KIF21B: variants seen among roughly 807,000 people sequenced by gnomAD.
KIF21B encodes kinesin-like protein KIF21B.
Under a neutral mutation model 192.9 loss-of-function variants are expected in KIF21B, and 85 were observed. That is an observed-to-expected ratio of 0.44 (90% CI 0.37 to 0.53). The LOEUF is 0.53. Ranked by LOEUF, KIF21B falls within the 20% of genes least tolerant of loss-of-function variation. The probability of loss-of-function intolerance (pLI) is 0.00; values close to 1 mark genes in which losing one functional copy is unlikely to be tolerated. For missense variants in KIF21B, 1,716 were observed against 2,194.8 expected (o/e 0.78, Z 4.36); for synonymous variants, 832 against 884.6 (o/e 0.94, Z 1.05).
chr1:200,993,387 G>A (rs763936996), intron 15 of KIF21B, among the ~76,000 whole-genome samples: 19 of 152,138 alleles, frequency 1.2e-4, no homozygotes, highest in Non-Finnish European at 2.8e-4. Context: ...GTGGGGGCTG[G>A]ACCAGAAGCC....
Position 200,982,879 on chromosome 1 carries a change from A to G in KIF21B, c.3842+177T>C, listed in dbSNP as rs377260706. On this transcript the variant is annotated intron_variant, in intron 28 of 34. Coordinates refer to ENST00000461742, the MANE Select transcript of KIF21B (RefSeq NM_001252102.2). The surrounding 1 kb of genome is among the most constrained non-coding windows in gnomAD (Gnocchi z 4.7). ...TCCAAGGCCTTGTGGCCACCCTGAG[A>G]GAGAGGAACCATGGGGGCAGGAACA... Among the ~76,000 whole-genome samples, 71 of 152,004 alleles carry G rather than the reference A, an allele frequency of 4.7e-4. No individual in the cohort carries two copies. Among genetic ancestry groups the G allele is most frequent in the African/African-American group, 1.7e-3 (70 of 41,408 alleles).
intron 1 of KIF21B, among the ~76,000 whole-genome samples, chr1:201,018,062 T>C (rs766923713): frequency 6.6e-6 from 1 of 152,142 alleles, no homozygotes; most frequent in Non-Finnish European, 1.5e-5. Flanking sequence ...GCCCTCTCAG[T>C]GCCCCTCTGG....
chr1:201,012,529 T>C (rs1375385249), intron 1 of KIF21B, among the ~76,000 whole-genome samples: 1 of 152,222 alleles, frequency 6.6e-6, no homozygotes, highest in Admixed American at 6.5e-5. Context: ...CTTGAAGTGG[T>C]TAAGCCACAC....
intron 17 of KIF21B, among the ~76,000 whole-genome samples, 191 bp from the exon 18 acceptor site, chr1:200,991,340 T>C (rs973238436): frequency 3.3e-5 from 5 of 152,236 alleles, no homozygotes; most frequent in African/African-American, 9.6e-5. Flanking sequence ...CCACCTTCTT[T>C]TTTTAACGCA....
At chr1:200,974,222 G>C (rs778999785) in intron 34 of KIF21B, 6 of 1,525,284 alleles carry the variant, frequency 3.9e-6, no homozygotes, top group Non-Finnish European at 3.5e-6. Flanking sequence ...CGAGGACAGA[G>C]AGGAGAGGTG....
rs755700539 is a variant in KIF21B, at chr1:200,990,016, C to T, written c.3058G>A (p.Val1020Met). 78 of 1,613,900 alleles carry T rather than the reference C, an allele frequency of 4.8e-5. No homozygotes were observed. The highest frequency in any genetic ancestry group is 6.1e-5 in the Non-Finnish European group (72 of 1,180,016). The part of the protein sequence containing the change: ...KEELDSTDTS[V>M]VISSCSLAEA... ...GCCAGGGAGCAGGAGCTGATGACCA[C>T]GGATGTGTCTGTGGAGTCCAGCTCC... The change falls in exon 21 of 35, where the codon GTG (valine) becomes ATG (methionine). Residue 1020 changes from valine (V) to methionine (M), a missense_variant. This residue lies in a region of KIF21B where 49 missense variants were observed against 102.6 expected (regional missense o/e 0.48). Coordinates refer to ENST00000461742, the MANE Select transcript of KIF21B (RefSeq NM_001252102.2). This position sits in a 1 kb window ranked among gnomAD's most constrained non-coding sequence, Gnocchi z 5.4.
chr1:200,986,412 T>C (rs539132418), intron 26 of KIF21B, among the ~76,000 whole-genome samples: 2 of 151,048 alleles, frequency 1.3e-5, no homozygotes, highest in Admixed American at 6.6e-5. Flanking sequence ...GGCTGCAGCG[T>C]AGTGGCACGA....
At chr1:201,003,487 G>C (rs112572547) in intron 8 of KIF21B, 99 bp downstream of exon 8, 15 of 1,185,170 alleles carry the variant, frequency 1.3e-5, no homozygotes, top group African/African-American at 1.2e-4. Flanking sequence ...GGAGGTGGGA[G>C]GGATGCTGAG....
chr1:200,975,592 G>T lies in KIF21B; in HGVS notation c.4521C>A (p.Ile1507=). The T allele has an allele frequency of 6.2e-7, 1 of 1,614,030 alleles. No homozygotes were observed. The highest frequency in any genetic ancestry group is 8.5e-7 in the Non-Finnish European group (1 of 1,179,908). The change falls in exon 33 of 35, where the codon ATC becomes ATA. Residue 1507 remains isoleucine (I), a synonymous_variant. Coordinates refer to ENST00000461742, the MANE Select transcript of KIF21B (RefSeq NM_001252102.2). This position sits in a 1 kb window ranked among gnomAD's most constrained non-coding sequence, Gnocchi z 4.3. ...HNFEPPHYDG[I]ECLAIQGDIL... is the part of the protein sequence containing the mutation. ...TGTCTCCCTGGATGGCGAGACACTC[G>T]ATGCCATCGTAGTGCGGGGGCTCGA...
intron 29 of KIF21B, 151 bp downstream of exon 29, chr1:200,980,809 G>A: frequency 1.0e-6 from 1 of 966,590 alleles, no homozygotes. Flanking sequence ...CTTGAGCCAA[G>A]GTAAGAAACA....
chr1:201,008,973 G>T, intron 2 of KIF21B, 22 bp from the exon 3 acceptor site: 1 of 1,596,606 alleles, frequency 6.3e-7, no homozygotes, highest in Non-Finnish European at 8.5e-7. Context: ...AAGATAGGAG[G>T]GTGTAACCCT....
rs6692235 is a variant in KIF21B at position 201,000,638 on chromosome 1, G to A, written c.1467-30C>T. 0.14 allele frequency: 217,976 copies of A among 1,612,822 alleles called. 18,180 individuals are homozygous for A. The highest frequency in any genetic ancestry group is 0.41 in the African/African-American group (30,494 of 74,936). On this transcript the variant is annotated intron_variant, in intron 10 of 34. Transcript: ENST00000461742. The surrounding 1 kb of genome is among the most constrained non-coding windows in gnomAD (Gnocchi z 6.0). ...ACAGGAAGAACGAGTGGACGGGGCC[G>A]AGTGAGCTGCCACAGCCCTTGGCGT...
rs1657366086 is a variant in KIF21B at position 200,999,946 on chromosome 1, G to A, written c.1704C>T (p.Phe568=). Residue 568 remains phenylalanine (F), a synonymous_variant, in exon 12 of 35, where the codon TTC becomes TTT. Coordinates refer to ENST00000461742, the MANE Select transcript of KIF21B (RefSeq NM_001252102.2). This position sits in a 1 kb window ranked among gnomAD's most constrained non-coding sequence, Gnocchi z 4.7. ...QRRKSPEKEA[F]KKRAKLQQEN... is the part of the protein sequence containing the mutation. ...CCTGTTGGAGTTTTGCCCTCTTTTT[G>A]AAGGCTTCCTTCTCGGGGCTGCTCA... 1 of 1,613,924 alleles carries A rather than the reference G, an allele frequency of 6.2e-7. No homozygotes were observed.
chr1:201,016,898 A>C (rs1658537202), intron 1 of KIF21B, among the ~76,000 whole-genome samples: 1 of 152,148 alleles, frequency 6.6e-6, no homozygotes, highest in African/African-American at 2.4e-5. Flanking sequence ...GGCATGGTGC[A>C]AGCAGTCTGT....
At chr1:200,992,091 G>A (rs1209048086) in intron 16 of KIF21B, among the ~76,000 whole-genome samples, 191 bp downstream of exon 16, 1 of 152,242 alleles carries the variant, frequency 6.6e-6, no homozygotes, top group African/African-American at 2.4e-5. Context: ...CTCTTAACAT[G>A]TGGGGGCTGG....
chr1:200,988,606 G>T, intron 22 of KIF21B, 62 bp from the exon 23 acceptor site: 1 of 1,472,618 alleles, frequency 6.8e-7, no homozygotes, highest in Admixed American at 2.0e-5. Context: ...TCGGGGGAGG[G>T]ATGATGGTCT....
chr1:200,989,808 G>C (rs1656558194), intron 21 of KIF21B, 134 bp downstream of exon 21: 1 of 651,220 alleles, frequency 1.5e-6, no homozygotes, highest in East Asian at 2.7e-5. Flanking sequence ...GGGAGGTGCA[G>C]AGGTTAGGCG....
chr1:201,004,856 G>C lies in KIF21B; in HGVS notation c.810C>G (p.His270Gln). The C allele has an allele frequency of 6.2e-7, 1 of 1,614,144 alleles. No individual in the cohort carries two copies. Among genetic ancestry groups the C allele is most frequent in the South Asian group, 1.1e-5 (1 of 91,086 alleles). Residue 270 changes from histidine to glutamine, a missense_variant, in exon 6 of 35, where the codon CAC becomes CAG. By Grantham distance (24) the His-to-Gln change is conservative. Coordinates refer to ENST00000461742, the MANE Select transcript of KIF21B (RefSeq NM_001252102.2). ...SEYETLTAKF[H>Q]FVDLAGSERL... is the part of the protein sequence containing the mutation. ...GCTCTGAGCCGGCCAGGTCCACAAA[G>C]TGAAACTTAGCAGTGAGTGTCTCAT...
In KIF21B at chr1:200,990,480, G is replaced by A. The variant is rs1265608649; in HGVS notation, c.2835+96C>T. ...GAGCAGGCAAAAGGAGCAGAGGGAA[G>A]TGGGGCAGGGAAAGGTCTGAAGAGC... On this transcript the variant is annotated intron_variant, in intron 19 of 34. Transcript: ENST00000461742. This position sits in a 1 kb window ranked among gnomAD's most constrained non-coding sequence, Gnocchi z 5.4. The A allele has an allele frequency of 2.0e-6, 3 of 1,508,968 alleles. No homozygotes were observed. The highest frequency in any genetic ancestry group is 2.7e-6 in the Non-Finnish European group (3 of 1,105,594). The allele number at this position is 1,508,968 out of a possible 1,614,324, so 93.5% of individuals were successfully genotyped here.
Sources: allele counts gnomAD v4.1 joint callset (sites outside exome capture counted in the v4.1 genomes callset), GRCh38; gene constraint gnomAD v4.1.1; regional missense constraint gnomAD v4.1.1; non-coding constraint Gnocchi (gnomAD v3.1); transcripts MANE v1.5; gene names NCBI Gene and HGNC (gene_info 2026-07-23, HGNC 2026-07-21).